Variants in NKAIN2 observed in about 807,000 individuals in gnomAD.
NKAIN2 encodes sodium/potassium transporting ATPase interacting 2, also known as sodium/potassium-transporting ATPase subunit beta-1-interacting protein 2.
NKAIN2 carries 14 observed loss-of-function variants against 32.6 expected under a neutral mutation model. The ratio of observed to expected loss-of-function variants is 0.43; its 90% CI spans 0.28 to 0.67. The LOEUF is 0.67. Among genes scored for constraint, NKAIN2 ranks in the 30% least tolerant of loss-of-function variants. NKAIN2 has a pLI of 0.17. For synonymous variants in NKAIN2, 80 were observed against 87.2 expected, an observed-to-expected ratio of 0.92 and a Z score of 0.46; for missense variants, 198 against 258.3, an observed-to-expected ratio of 0.77 and a Z score of 1.60.
chr6:124,053,677 T>C (rs1782511788), intron 1 of NKAIN2, among the ~76,000 whole-genome samples: 1 of 152,100 alleles, frequency 6.6e-6, no homozygotes, highest in Non-Finnish European at 1.5e-5. Context: ...AATTTTTAGA[T>C]AATTTTTCCT....
At chr6:123,919,315 G>A (rs765842034) in intron 1 of NKAIN2, among the ~76,000 whole-genome samples, 15 of 151,870 alleles carry the variant, frequency 9.9e-5, no homozygotes, top group Admixed American at 2.0e-4. Flanking sequence ...GTTTAGAGCT[G>A]TTTATTTTTC....
rs112453900 is a variant in NKAIN2 at position 124,268,529 on chromosome 6, T to C, written c.55-14476T>C. 3.9e-3 allele frequency among the ~76,000 whole-genome samples: 594 copies of C among 152,058 alleles called. 2 individuals are homozygous for C. The highest frequency in any genetic ancestry group is 0.013 in the African/African-American group (559 of 41,498). On this transcript the variant is annotated intron_variant, in intron 1 of 6. Transcript: ENST00000368417. ...ATATCATGCTGAGCACTATGTGAAG[T>C]AGAAAAAAAACTCTATTACTTACAT...
At chr6:124,729,666 T>C (rs1776549621) in intron 4 of NKAIN2, among the ~76,000 whole-genome samples, 1 of 150,912 alleles carries the variant, frequency 6.6e-6, no homozygotes, top group South Asian at 2.1e-4. Flanking sequence ...GGATGCCCTC[T>C]CTCACCACTC....
chr6:124,142,023 C>A (rs1438500591), intron 1 of NKAIN2, among the ~76,000 whole-genome samples: 1 of 152,174 alleles, frequency 6.6e-6, no homozygotes, highest in Non-Finnish European at 1.5e-5. Context: ...ATGTTAGTTG[C>A]AAGTTATCTG....
intron 3 of NKAIN2, among the ~76,000 whole-genome samples, chr6:124,383,312 A>T (rs1362523663): frequency 6.6e-6 from 1 of 152,074 alleles, no homozygotes; most frequent in Admixed American, 6.6e-5. Flanking sequence ...GACTCTCTCC[A>T]ATCCATTTTT....
intron 1 of NKAIN2, among the ~76,000 whole-genome samples, chr6:124,105,151 T>C (rs1330803752): frequency 6.6e-6 from 1 of 152,156 alleles, no homozygotes; most frequent in Non-Finnish European, 1.5e-5. Flanking sequence ...CAGGCAGGTA[T>C]AAATATTTGA....
chr6:124,769,731 T>G (rs562571261), intron 4 of NKAIN2, among the ~76,000 whole-genome samples: 7 of 152,318 alleles, frequency 4.6e-5, no homozygotes, highest in African/African-American at 1.7e-4. Context: ...CATTTGAGTT[T>G]GCTAGATTCA....
chr6:124,132,445 A>G (rs529366693), intron 1 of NKAIN2, among the ~76,000 whole-genome samples: 53 of 152,344 alleles, frequency 3.5e-4, no homozygotes, highest in African/African-American at 1.3e-3. Flanking sequence ...TCCCACTGCT[A>G]ATACCACAGC....
intron 1 of NKAIN2, among the ~76,000 whole-genome samples, chr6:123,970,861 G>A (rs1296703166): frequency 1.3e-5 from 2 of 152,024 alleles, no homozygotes; most frequent in East Asian, 1.9e-4. Context: ...CAGCCTGGTC[G>A]ACGAAGTGAA....
chr6:124,818,532 G>A (rs1056515957), intron 6 of NKAIN2, 64 bp downstream of exon 6: 9 of 665,772 alleles, frequency 1.4e-5, no homozygotes, highest in African/African-American at 5.5e-5. Flanking sequence ...ACTGTATCAC[G>A]ATACAAAATT....
At chr6:124,700,829 A>G (rs1196181918) in intron 4 of NKAIN2, among the ~76,000 whole-genome samples, 1 of 151,868 alleles carries the variant, frequency 6.6e-6, no homozygotes, top group Non-Finnish European at 1.5e-5. Flanking sequence ...TCCAATAAAA[A>G]GGAATCTACT....
chr6:124,743,348 T>C (rs1441429156), intron 4 of NKAIN2, among the ~76,000 whole-genome samples: 27 of 151,954 alleles, frequency 1.8e-4, no homozygotes, highest in Admixed American at 1.7e-3. Context: ...GAATTTAGAA[T>C]GTTATGTGTG....
At chr6:124,294,190 G>A (rs1277695869) in intron 2 of NKAIN2, among the ~76,000 whole-genome samples, 1 of 152,112 alleles carries the variant, frequency 6.6e-6, no homozygotes, top group Non-Finnish European at 1.5e-5. Flanking sequence ...AAGGGGAACT[G>A]GGAGCATGTG....
intron 1 of NKAIN2, among the ~76,000 whole-genome samples, chr6:124,276,074 G>A (rs966524416): frequency 2.6e-5 from 4 of 151,906 alleles, no homozygotes; most frequent in Non-Finnish European, 4.4e-5. Context: ...CTGACTTCTC[G>A]TGTAATCAGA....
chr6:123,941,784 T>C (rs373091483), intron 1 of NKAIN2, among the ~76,000 whole-genome samples: 8 of 151,968 alleles, frequency 5.3e-5, no homozygotes, highest in African/African-American at 1.9e-4. Flanking sequence ...AAATTCCCCA[T>C]GATTGGCTTT....
chr6:123,953,267 C>T (rs2114589982), intron 1 of NKAIN2, among the ~76,000 whole-genome samples: 1 of 152,218 alleles, frequency 6.6e-6, no homozygotes, highest in South Asian at 2.1e-4. Context: ...GAAGTAGCAG[C>T]AGGGGGACAA....
At chr6:124,726,152 G>A (rs111699130) in intron 4 of NKAIN2, among the ~76,000 whole-genome samples, 2 of 152,230 alleles carry the variant, frequency 1.3e-5, no homozygotes, top group Non-Finnish European at 2.9e-5. Context: ...CCATTGCCCA[G>A]GCTTGATTAG....
intron 1 of NKAIN2, among the ~76,000 whole-genome samples, chr6:124,278,740 T>TAATA (rs1347936358): frequency 7.1e-6 from 1 of 141,192 alleles, no homozygotes; most frequent in Non-Finnish European, 1.5e-5. Flanking sequence ...CACAAAGAAT[T>TAATA]AATAAAACCT....
intron 1 of NKAIN2, among the ~76,000 whole-genome samples, chr6:123,904,755 G>A (rs1774778590): frequency 6.6e-6 from 1 of 152,146 alleles, no homozygotes; most frequent in African/African-American, 2.4e-5. Flanking sequence ...TTGTTGATTA[G>A]CAAGTCTCCA....
Sources: allele counts gnomAD v4.1 joint callset (sites outside exome capture counted in the v4.1 genomes callset), GRCh38; gene constraint gnomAD v4.1.1; transcripts MANE v1.5; gene names NCBI Gene and HGNC (gene_info 2026-07-23, HGNC 2026-07-21).